Variants in ULK4 observed in about 807,000 individuals in gnomAD.
ULK4 encodes inactive serine/threonine-protein kinase ULK4.
ULK4 carries 133 observed loss-of-function variants against 160.6 expected under a neutral mutation model. The ratio of observed to expected loss-of-function variants is 0.83; its 90% CI spans 0.72 to 0.96. The LOEUF is 0.96. ULK4 is among the 40% of genes least tolerant of loss of function. ULK4 has a pLI of 0.00. For missense variants in ULK4, 1,580 were observed against 1,499.5 expected (o/e 1.05, Z -0.89); for synonymous variants, 534 against 539.8 (o/e 0.99, Z 0.15).
chr3:41,613,294 T>C (rs902060041), intron 31 of ULK4, among the ~76,000 whole-genome samples: 9 of 152,210 alleles, frequency 5.9e-5, no homozygotes, highest in African/African-American at 1.7e-4. Flanking sequence ...TGACACGGTT[T>C]CTTATTACTT....
intron 2 of ULK4, among the ~76,000 whole-genome samples, chr3:41,954,194 A>AAT (rs1315763021): frequency 6.7e-6 from 1 of 150,196 alleles, no homozygotes; most frequent in African/African-American, 2.4e-5. Context: ...AAAAAAAAAA[A>AAT]AGAAAAATAC....
At chr3:41,951,139 C>T (rs533855808) in intron 2 of ULK4, among the ~76,000 whole-genome samples, 81 of 73,156 alleles carry the variant, frequency 1.1e-3, no homozygotes, top group African/African-American at 4.1e-3. Flanking sequence ...AGCGAGGCTT[C>T]GTCTCAAAAA....
At chr3:41,772,494 C>T (rs1231050541) in intron 21 of ULK4, among the ~76,000 whole-genome samples, 11 of 151,820 alleles carry the variant, frequency 7.2e-5, no homozygotes, top group African/African-American at 2.4e-4. Flanking sequence ...TTCCTCGACA[C>T]ATACACCCTC....
intron 35 of ULK4, among the ~76,000 whole-genome samples, chr3:41,366,608 C>T (rs888887557): frequency 1.3e-5 from 2 of 151,924 alleles, no homozygotes; most frequent in African/African-American, 4.8e-5. Flanking sequence ...TATATACACA[C>T]ACACACATAC....
rs149582544 is a variant in ULK4 at position 41,894,205 on chromosome 3, A to G, written c.1577+1313T>C. Among the ~76,000 whole-genome samples the G allele has an allele frequency of 3.4e-3, 515 of 152,354 alleles. 4 individuals carry two copies. The highest frequency in any genetic ancestry group is 0.027 in the Admixed American group (419 of 15,306). ...AGCAGGGGGCACCCCATTCAAGGATATAACACATTTTAAATAAAGGTGTTT... is the reference window on the plus strand; with the variant it reads ...AGCAGGGGGCACCCCATTCAAGGATGTAACACATTTTAAATAAAGGTGTTT... On this transcript the variant is annotated intron_variant, in intron 16 of 36. Coordinates refer to ENST00000301831, the MANE Select transcript of ULK4 (RefSeq NM_017886.4).
chr3:41,564,458 T>C (rs1184222494), intron 32 of ULK4, among the ~76,000 whole-genome samples: 153 of 134,662 alleles, frequency 1.1e-3, no homozygotes, highest in African/African-American at 3.8e-3. Flanking sequence ...TCTTTTTTTT[T>C]TTTTTTTTTT....
intron 34 of ULK4, among the ~76,000 whole-genome samples, chr3:41,449,875 C>T (rs554038420): frequency 1.4e-5 from 2 of 147,696 alleles, no homozygotes; most frequent in Non-Finnish European, 3.0e-5. Flanking sequence ...AGCTTGGTCT[C>T]CCAGTTATCT....
At chr3:41,305,204 C>CCACGG (rs1476302786) in intron 35 of ULK4, among the ~76,000 whole-genome samples, 1 of 148,232 alleles carries the variant, frequency 6.7e-6, no homozygotes, top group Non-Finnish European at 1.5e-5. Context: ...CTCCCTCTCC[C>CCACGG]TCTCCCCACG....
intron 17 of ULK4, among the ~76,000 whole-genome samples, chr3:41,850,631 T>C (rs1281447892): frequency 6.8e-6 from 1 of 146,174 alleles, no homozygotes; most frequent in African/African-American, 2.6e-5. Flanking sequence ...AGTCTGTTAA[T>C]ATCCTTTGCC....
intron 31 of ULK4, among the ~76,000 whole-genome samples, chr3:41,596,975 T>C (rs898478409): frequency 2.0e-5 from 3 of 152,308 alleles, no homozygotes; most frequent in Admixed American, 2.0e-4. Context: ...CCCTGACTTC[T>C]ACGCTCTAGA....
chr3:41,746,272 C>CAAAAAAAAAAAAAAAAAAAAAAAAAAA (rs34582395), intron 22 of ULK4, among the ~76,000 whole-genome samples: 4 of 45,718 alleles, frequency 8.7e-5, no homozygotes, highest in African/African-American at 3.2e-4. Context: ...CTGGAACCCA[C>CAAAAAAAAAAAAAAAAAAAAAAAAAAA]AAAAAAAAAA....
chr3:41,665,606 C>A (rs945392635), intron 29 of ULK4, among the ~76,000 whole-genome samples: 1 of 151,766 alleles, frequency 6.6e-6, no homozygotes, highest in Non-Finnish European at 1.5e-5. Flanking sequence ...ATAAAACATA[C>A]AGTATAATCA....
rs538231326 is a variant in ULK4, at chr3:41,590,651, C to A, written c.3121-24521G>T. ...ACTCTGTCTCAAACAAACAAACAAA[C>A]AAAAAAACAAATACATCTTAAATAA... On this transcript the variant is annotated intron_variant, in intron 31 of 36. Coordinates refer to ENST00000301831, the MANE Select transcript of ULK4 (RefSeq NM_017886.4). 3.2e-3 allele frequency among the ~76,000 whole-genome samples: 476 copies of A among 150,280 alleles called. 3 individuals carry two copies. The highest frequency in any genetic ancestry group is 0.011 in the African/African-American group (439 of 40,894).
chr3:41,278,581 G>A (rs2079277642), intron 35 of ULK4, among the ~76,000 whole-genome samples: 1 of 152,102 alleles, frequency 6.6e-6, no homozygotes, highest in African/African-American at 2.4e-5. Context: ...GTGCCCCTCT[G>A]GGACAAAGCT....
intron 20 of ULK4, among the ~76,000 whole-genome samples, chr3:41,793,201 G>T (rs1219071457): frequency 6.8e-6 from 1 of 147,814 alleles, no homozygotes; most frequent in Non-Finnish European, 1.5e-5. Flanking sequence ...AAAAAAAATA[G>T]AGTCTGAGAT....
intron 32 of ULK4, among the ~76,000 whole-genome samples, chr3:41,467,958 T>C (rs930107884): frequency 7.4e-4 from 112 of 152,270 alleles, no homozygotes; most frequent in African/African-American, 2.6e-3. Flanking sequence ...AATGCAGAGT[T>C]AAGAAAAAAC....
chr3:41,523,091 T>C (rs2085990495), intron 32 of ULK4, among the ~76,000 whole-genome samples: 1 of 152,022 alleles, frequency 6.6e-6, no homozygotes, highest in Non-Finnish European at 1.5e-5. Flanking sequence ...GCATTTTTAG[T>C]AGAGATGGAG....
At chr3:41,438,484 T>C (rs2083086004) in intron 34 of ULK4, among the ~76,000 whole-genome samples, 2 of 152,122 alleles carry the variant, frequency 1.3e-5, no homozygotes, top group Non-Finnish European at 2.9e-5. Flanking sequence ...TAATGGAAGC[T>C]TTAAAAAATA....
chr3:41,385,210 C>T (rs185924306), intron 35 of ULK4, among the ~76,000 whole-genome samples: 34 of 152,102 alleles, frequency 2.2e-4, no homozygotes, highest in Admixed American at 1.6e-3. Context: ...TATGGTAAAA[C>T]GATAATTCTT....
Sources: gnomAD v4.1 joint callset for allele counts (sites outside exome capture counted in the v4.1 genomes callset) on GRCh38, gnomAD v4.1.1 for gene constraint, MANE v1.5 for transcripts, NCBI Gene and HGNC (gene_info 2026-07-23, HGNC 2026-07-21) for gene names.